The following MAGI1 variants were observed in gnomAD, a reference collection of about 807,000 sequenced individuals.
MAGI1 encodes membrane associated guanylate kinase, WW and PDZ domain containing 1, also known as membrane-associated guanylate kinase, WW and PDZ domain-containing protein 1.
A neutral mutation model predicts 139.9 loss-of-function variants in MAGI1; 58 were observed. That is an observed-to-expected ratio of 0.41 (90% confidence interval 0.34 to 0.52). The LOEUF (loss-of-function observed/expected upper bound fraction) is 0.52. Among genes scored for constraint, MAGI1 ranks in the 20% least tolerant of loss-of-function variants. The pLI, the probability that MAGI1 is intolerant of heterozygous loss-of-function variation, is 0.12. For missense variants in MAGI1, 1,874 were observed against 1,901.6 expected (o/e 0.99, Z 0.27); for synonymous variants, 812 against 737.9 (o/e 1.10, Z -1.63).
At chr3:65,828,680 T>G (rs540692598) in intron 1 of MAGI1, among the ~76,000 whole-genome samples, 4 of 152,312 alleles carry the variant, frequency 2.6e-5, no homozygotes, top group African/African-American at 9.6e-5. Context: ...TGCAAATGTG[T>G]TACCTTACAT....
rs140094592 is a variant in MAGI1, at chr3:65,763,210, C to A, written c.314-141122G>T. Among the ~76,000 whole-genome samples the A allele has an allele frequency of 6.3e-3, 955 of 152,232 alleles. 10 individuals carry two copies. Among genetic ancestry groups the A allele is most frequent in the African/African-American group, 0.022 (909 of 41,538 alleles). On this transcript the variant is annotated intron_variant, in intron 1 of 22. Transcript: ENST00000402939. ...ACCAAGAGAGTTCTGTATAAACAGACCTTGTTAAAATAATTCTTACCTTCC... is the reference window on the plus strand; with the variant it reads ...ACCAAGAGAGTTCTGTATAAACAGAACTTGTTAAAATAATTCTTACCTTCC...
At chr3:65,433,081 T>C (rs1383308436) in intron 10 of MAGI1, among the ~76,000 whole-genome samples, 1 of 152,206 alleles carries the variant, frequency 6.6e-6, no homozygotes, top group Non-Finnish European at 1.5e-5. Flanking sequence ...ATAAAACCAC[T>C]AGAATGTTAG....
intron 1 of MAGI1, among the ~76,000 whole-genome samples, chr3:65,767,965 T>G (rs913070170): frequency 6.6e-6 from 1 of 152,226 alleles, no homozygotes; most frequent in Non-Finnish European, 1.5e-5. Context: ...ATGGAGTGCC[T>G]TTTCTAAATC....
chr3:65,818,144 T>A (rs1369109629), intron 1 of MAGI1, among the ~76,000 whole-genome samples: 1 of 152,044 alleles, frequency 6.6e-6, no homozygotes, highest in African/African-American at 2.4e-5. Context: ...ACACACACAA[T>A]ATTCTATGTT....
chr3:65,969,360 G>A (rs929559006), intron 1 of MAGI1, among the ~76,000 whole-genome samples: 10 of 152,150 alleles, frequency 6.6e-5, no homozygotes, highest in African/African-American at 2.2e-4. Context: ...GGGCTGGGGG[G>A]TGGCTGTCCT....
intron 2 of MAGI1, among the ~76,000 whole-genome samples, chr3:65,521,486 T>A (rs188500549): frequency 1.3e-5 from 2 of 152,316 alleles, no homozygotes; most frequent in Non-Finnish European, 2.9e-5. Context: ...TAAATACATA[T>A]GCCAACATGC....
chr3:65,798,002 T>C (rs1278009125), intron 1 of MAGI1, among the ~76,000 whole-genome samples: 3 of 152,104 alleles, frequency 2.0e-5, no homozygotes, highest in Non-Finnish European at 4.4e-5. Flanking sequence ...TCTTCAATTC[T>C]TCACCTTAAA....
At chr3:65,836,685 G>A (rs1040806957) in intron 1 of MAGI1, among the ~76,000 whole-genome samples, 9 of 152,106 alleles carry the variant, frequency 5.9e-5, no homozygotes, top group Admixed American at 3.3e-4. Context: ...TGGGCGTGGT[G>A]GTGGGCGCCT....
intron 18 of MAGI1, among the ~76,000 whole-genome samples, chr3:65,375,519 A>G (rs1362727267): frequency 6.6e-6 from 1 of 152,188 alleles, no homozygotes; most frequent in Non-Finnish European, 1.5e-5. Flanking sequence ...ACACAGGGTC[A>G]CAGGGCTACA....
At chr3:65,428,148 G>C (rs1381451516) in intron 12 of MAGI1, among the ~76,000 whole-genome samples, 2 of 152,128 alleles carry the variant, frequency 1.3e-5, no homozygotes, top group African/African-American at 4.8e-5. Flanking sequence ...ATGAGAATCT[G>C]GCTGCTGTGA....
intron 1 of MAGI1, among the ~76,000 whole-genome samples, chr3:66,025,107 AAT>A (rs1215759851): frequency 2.0e-5 from 3 of 152,250 alleles, no homozygotes; most frequent in East Asian, 1.9e-4. Context: ...GGTAGTCATC[AAT>A]ATGTTATATA....
intron 1 of MAGI1, among the ~76,000 whole-genome samples, chr3:65,945,673 T>A (rs1420637768): frequency 1.3e-5 from 2 of 152,254 alleles, no homozygotes; most frequent in Non-Finnish European, 2.9e-5. Context: ...CCCATCCAGC[T>A]ATTTCTGTAT....
At chr3:65,783,600 C>A (rs2108022225) in intron 1 of MAGI1, among the ~76,000 whole-genome samples, 1 of 152,176 alleles carries the variant, frequency 6.6e-6, no homozygotes, top group African/African-American at 2.4e-5. Flanking sequence ...CTCAAGCAAT[C>A]CTCCCACCTC....
chr3:65,786,063 C>T (rs1301388183), intron 1 of MAGI1, among the ~76,000 whole-genome samples: 2 of 151,696 alleles, frequency 1.3e-5, no homozygotes, highest in Admixed American at 6.6e-5. Context: ...TCAAGTGATT[C>T]TCCTGCCTCA....
intron 22 of MAGI1, chr3:65,359,493 C>T (rs1024619055): frequency 9.5e-7 from 1 of 1,054,060 alleles, no homozygotes; most frequent in East Asian, 6.8e-5. Flanking sequence ...TAACAATAAA[C>T]AACAAAAGAA....
chr3:65,519,969 G>A (rs528344001), intron 2 of MAGI1, among the ~76,000 whole-genome samples: 2 of 152,258 alleles, frequency 1.3e-5, no homozygotes, highest in East Asian at 3.9e-4. Flanking sequence ...TTGGTCCTTT[G>A]GCACAGCAGC....
chr3:66,036,925 G>C (rs1576547228), intron 1 of MAGI1, among the ~76,000 whole-genome samples: 1 of 152,288 alleles, frequency 6.6e-6, no homozygotes, highest in Admixed American at 6.5e-5. Flanking sequence ...TGAGATGTAA[G>C]GGACCTACAT....
chr3:65,462,759 G>C (rs748443466), intron 5 of MAGI1, among the ~76,000 whole-genome samples: 1 of 152,158 alleles, frequency 6.6e-6, no homozygotes, highest in African/African-American at 2.4e-5. Flanking sequence ...AGCATGGAAT[G>C]TTTTTCCATT....
intron 1 of MAGI1, among the ~76,000 whole-genome samples, chr3:65,978,790 G>A (rs892536699): frequency 3.9e-5 from 6 of 151,950 alleles, no homozygotes; most frequent in Non-Finnish European, 1.5e-5. Context: ...ACCACGCCCA[G>A]TTAATTTTGT....
Sources: allele counts gnomAD v4.1 joint callset (sites outside exome capture counted in the v4.1 genomes callset), GRCh38; gene constraint gnomAD v4.1.1; transcripts MANE v1.5; gene names NCBI Gene and HGNC (gene_info 2026-07-23, HGNC 2026-07-21).